KCNT2: variants seen among roughly 807,000 people sequenced by gnomAD.
The protein encoded by KCNT2 is potassium channel subfamily T member 2.
KCNT2 carries 67 observed loss-of-function variants against 153.8 expected under a neutral mutation model. The observed-to-expected ratio is 0.44, with a 90% CI of 0.36 to 0.53. The LOEUF (loss-of-function observed/expected upper bound fraction) is 0.53, where lower values mean the gene tolerates loss of function less well. Ranked by LOEUF, KCNT2 falls within the 20% of genes least tolerant of loss-of-function variation. KCNT2 has a pLI of 0.00. For missense variants in KCNT2, 975 were observed against 1,354.8 expected (o/e 0.72, Z 4.40); for synonymous variants, 500 against 458.8 (o/e 1.09, Z -1.15).
chr1:196,290,062 T>C (rs1660044965), intron 22 of KCNT2, among the ~76,000 whole-genome samples: 1 of 152,082 alleles, frequency 6.6e-6, no homozygotes. Flanking sequence ...GATAAAATTA[T>C]TGGATTTAAC....
intron 26 of KCNT2, among the ~76,000 whole-genome samples, chr1:196,250,963 G>A (rs1278774048): frequency 6.6e-6 from 1 of 151,928 alleles, no homozygotes; most frequent in Admixed American, 6.6e-5. Context: ...CCAAAATACA[G>A]GCAATGACAA....
At chr1:196,338,732 G>A (rs1665279054) in intron 16 of KCNT2, among the ~76,000 whole-genome samples, 3 of 151,868 alleles carry the variant, frequency 2.0e-5, no homozygotes, top group Admixed American at 2.0e-4. Flanking sequence ...AAAAAGACAA[G>A]GTTGTTGATC....
At chr1:196,425,727 G>C in intron 11 of KCNT2, 125 bp downstream of exon 11, 1 of 895,294 alleles carries the variant, frequency 1.1e-6, no homozygotes, top group Non-Finnish European at 1.8e-6. Flanking sequence ...ACTAAGGCAA[G>C]AGTCTATACT....
rs568523053 is a variant in KCNT2, at chr1:196,428,196, G to A, written c.893C>T (p.Thr298Ile). ...GACACACAGGACGACATGCTTTTCA[G>A]TTTGAGCTCTATGTCGACTATAGTT... ...GGNYSRHRAQ[T>I]EKHVVLCVSS... Residue 298 changes from threonine to isoleucine, a missense_variant, in exon 10 of 28, where the codon ACT becomes ATT. By Grantham distance (89) the Thr-to-Ile change is moderately conservative. Transcript: ENST00000294725. 6.2e-7 allele frequency: 1 copy of A among 1,612,370 alleles called. No individual in the cohort carries two copies. The highest frequency in any genetic ancestry group is 1.3e-5 in the African/African-American group (1 of 74,956).
At chr1:196,424,309 A>G (rs1673461147) in intron 11 of KCNT2, among the ~76,000 whole-genome samples, 1 of 152,012 alleles carries the variant, frequency 6.6e-6, no homozygotes, top group Non-Finnish European at 1.5e-5. Context: ...TGTATTACAC[A>G]AATTCATATT....
intron 22 of KCNT2, among the ~76,000 whole-genome samples, chr1:196,304,311 T>G (rs2147974930): frequency 6.6e-6 from 1 of 152,314 alleles, no homozygotes; most frequent in African/African-American, 2.4e-5. Context: ...TCATTTTCTC[T>G]ACCTCTTATA....
chr1:196,552,338 T>G (rs1466350401), intron 1 of KCNT2, among the ~76,000 whole-genome samples: 1 of 151,426 alleles, frequency 6.6e-6, no homozygotes, highest in East Asian at 1.9e-4. Flanking sequence ...ATGAGTTTCT[T>G]CATTTTCTAG....
chr1:196,348,620 T>G (rs1477323989), intron 14 of KCNT2, among the ~76,000 whole-genome samples: 4 of 152,204 alleles, frequency 2.6e-5, no homozygotes, highest in South Asian at 2.1e-4. Flanking sequence ...CTACAGCTAC[T>G]TTTAATGATC....
At chr1:196,399,379 A>G (rs575763364) in intron 12 of KCNT2, among the ~76,000 whole-genome samples, 1 of 151,892 alleles carries the variant, frequency 6.6e-6, no homozygotes, top group South Asian at 2.1e-4. Context: ...AGCACTGTCC[A>G]TTTAACAGTC....
chr1:196,539,954 T>C (rs1294969287), intron 1 of KCNT2, among the ~76,000 whole-genome samples: 1 of 152,012 alleles, frequency 6.6e-6, no homozygotes, highest in Non-Finnish European at 1.5e-5. Context: ...ATAAATTTCT[T>C]ATATACTCTG....
At chr1:196,286,987 C>G (rs922731549) in intron 22 of KCNT2, among the ~76,000 whole-genome samples, 5 of 151,978 alleles carry the variant, frequency 3.3e-5, no homozygotes, top group African/African-American at 1.2e-4. Flanking sequence ...CAGAAGCAAG[C>G]TCCTGTTTCT....
chr1:196,325,354 C>T (rs187882917), intron 19 of KCNT2, among the ~76,000 whole-genome samples: 1 of 152,154 alleles, frequency 6.6e-6, no homozygotes, highest in Non-Finnish European at 1.5e-5. Flanking sequence ...TACTCTAAGG[C>T]AACGTTTGCA....
intron 1 of KCNT2, among the ~76,000 whole-genome samples, chr1:196,518,307 C>T (rs930434501): frequency 6.6e-6 from 1 of 151,822 alleles, no homozygotes; most frequent in African/African-American, 2.4e-5. Context: ...CTAATAAAAA[C>T]AAAGCTAAGT....
At chr1:196,495,152 A>C (rs1425259896) in intron 1 of KCNT2, among the ~76,000 whole-genome samples, 1 of 152,216 alleles carries the variant, frequency 6.6e-6, no homozygotes, top group Non-Finnish European at 1.5e-5. Flanking sequence ...ACATGAAATT[A>C]TACAACTTTT....
At chr1:196,464,955 G>T (rs1677477704) in intron 8 of KCNT2, among the ~76,000 whole-genome samples, 1 of 151,932 alleles carries the variant, frequency 6.6e-6, no homozygotes, top group African/African-American at 2.4e-5. Flanking sequence ...AATGTAGAAA[G>T]ATGAGGGCAC....
intron 26 of KCNT2, among the ~76,000 whole-genome samples, chr1:196,237,174 A>T (rs976169396): frequency 2.6e-5 from 4 of 151,770 alleles, no homozygotes; most frequent in Non-Finnish European, 5.9e-5. Context: ...GCTGACCCTG[A>T]TAAACAATTT....
At chr1:196,540,777 T>A (rs182296453) in intron 1 of KCNT2, among the ~76,000 whole-genome samples, 132 of 152,240 alleles carry the variant, frequency 8.7e-4, no homozygotes, top group African/African-American at 3.0e-3. Flanking sequence ...ATTAAAGATA[T>A]CTATTTAGGC....
chr1:196,461,914 A>T (rs1262443303), intron 8 of KCNT2, among the ~76,000 whole-genome samples: 3 of 151,690 alleles, frequency 2.0e-5, no homozygotes, highest in African/African-American at 4.8e-5. Flanking sequence ...AAATCTTTTT[A>T]AAAAACCATG....
chr1:196,376,184 CT>C (rs886784091), intron 13 of KCNT2, among the ~76,000 whole-genome samples: 4 of 151,776 alleles, frequency 2.6e-5, no homozygotes, highest in African/African-American at 4.8e-5. Flanking sequence ...CCCTCTCTTT[CT>C]TTTTTTCCCA....
Sources: gnomAD v4.1 joint callset for allele counts (sites outside exome capture counted in the v4.1 genomes callset) on GRCh38, gnomAD v4.1.1 for gene constraint, MANE v1.5 for transcripts, NCBI Gene and HGNC (gene_info 2026-07-23, HGNC 2026-07-21) for gene names.